CDH23: variants seen among roughly 807,000 people sequenced by gnomAD.
CDH23 encodes the protein cadherin related 23.
In CDH23, 189 loss-of-function variants were observed where a neutral mutation model predicts 317.1. The observed-to-expected ratio is 0.60, with a 90% CI of 0.53 to 0.67. The LOEUF (loss-of-function observed/expected upper bound fraction) is 0.67. Among genes scored for constraint, CDH23 ranks in the 30% least tolerant of loss-of-function variants. The pLI is 0.00. For missense variants in CDH23, 4,401 were observed against 4,592.4 expected, an observed-to-expected ratio of 0.96 and a Z score of 1.20; for synonymous variants, 1,839 against 1,876.8, an observed-to-expected ratio of 0.98 and a Z score of 0.52.
intron 14 of CDH23, among the ~76,000 whole-genome samples, chr10:71,667,395 T>TGC (rs1213586112): frequency 3.6e-5 from 5 of 138,788 alleles, no homozygotes; most frequent in African/African-American, 1.4e-4. Flanking sequence ...TGTGTGTGTG[T>TGC]GCGCGTGTGT....
chr10:71,797,971 C>T (rs140035175), intron 49 of CDH23, among the ~76,000 whole-genome samples: 107 of 152,296 alleles, frequency 7.0e-4, no homozygotes, highest in Middle Eastern at 3.4e-3. Context: ...GAAGGGCAGA[C>T]TTGGTCATCT....
At chr10:71,435,054 AC>A (rs1367243349) in intron 1 of CDH23, among the ~76,000 whole-genome samples, 1 of 151,582 alleles carries the variant, frequency 6.6e-6, no homozygotes, top group Non-Finnish European at 1.5e-5. Context: ...CCTCTGCAGG[AC>A]CCTCCCCTGG....
At chr10:71,580,122 T>C (rs1858521708) in intron 9 of CDH23, among the ~76,000 whole-genome samples, 1 of 152,198 alleles carries the variant, frequency 6.6e-6, no homozygotes, top group African/African-American at 2.4e-5. Context: ...AGGCTGCCAG[T>C]CCAGACCCTT....
intron 25 of CDH23, among the ~76,000 whole-genome samples, chr10:71,705,661 C>CA (rs926322935): frequency 6.6e-6 from 1 of 152,214 alleles, no homozygotes; most frequent in African/African-American, 2.4e-5. Flanking sequence ...TGCTCATTCC[C>CA]AGTGTCTCTG....
chr10:71,667,748 C>T (rs1367649073), intron 14 of CDH23, among the ~76,000 whole-genome samples: 1 of 152,036 alleles, frequency 6.6e-6, no homozygotes, highest in Non-Finnish European at 1.5e-5. Context: ...AAGGGGTTCT[C>T]AGGAAGGGGA....
At position 71,784,923 on chromosome 10, in the gene CDH23, C is replaced by T. The variant is rs779425775; in HGVS notation, c.5535C>T (p.Asn1845=). 147 of 1,614,050 alleles carry T rather than the reference C, an allele frequency of 9.1e-5. No individual in the cohort carries two copies. The highest frequency in any genetic ancestry group is 1.6e-4 in the Middle Eastern group (1 of 6,062). The part of the protein sequence containing the change: ...MLVGIRVLDI[N]DNDPVLLNLP... ...TGGGGATCCGGGTGCTGGACATCAA[C>T]GACAACGACCCTGTGCTGCTGAACC... The change falls in exon 43 of 70, where the codon AAC becomes AAT. Residue 1845 remains asparagine, a synonymous_variant. Transcript: ENST00000224721.
chr10:71,636,155 G>A (rs925287148), intron 11 of CDH23, among the ~76,000 whole-genome samples: 8 of 152,112 alleles, frequency 5.3e-5, no homozygotes, highest in Admixed American at 2.0e-4. Context: ...AGGAGGCGAG[G>A]AGAGAGGGGA....
chr10:71,677,368 C>A, intron 15 of CDH23, 88 bp from the exon 16 acceptor site: 3 of 952,852 alleles, frequency 3.1e-6, no homozygotes, highest in East Asian at 3.0e-5. Context: ...TCACTCTGGG[C>A]AAGGACAGGC....
rs10999885 is a variant in CDH23, at chr10:71,569,423, G to A, written c.625-1367G>A. Among the ~76,000 whole-genome samples, 109 of 152,284 alleles carry A rather than the reference G, an allele frequency of 7.2e-4. 1 individual carries two copies. The East Asian group carries it at 0.013, about 18-fold the overall frequency. On this transcript the variant is annotated intron_variant, in intron 7 of 69. Transcript: ENST00000224721. ...AGGGAGAGCTAACCTGGGGACAGTC[G>A]CTCCTCAAATCTTAGCTCAGAGAAT...
chr10:71,654,473 C>A (rs1182849519), intron 14 of CDH23, among the ~76,000 whole-genome samples: 1 of 152,234 alleles, frequency 6.6e-6, no homozygotes, highest in African/African-American at 2.4e-5. Flanking sequence ...CATAAGAAAC[C>A]ACCCAAACTT....
intron 38 of CDH23, among the ~76,000 whole-genome samples, chr10:71,760,022 TATATACACACACACAC>T (rs1564779652): frequency 0.02 from 1,654 of 80,992 alleles, 131 homozygotes; most frequent in East Asian, 0.1. Flanking sequence ...CACACACACA[TATATACACACACACAC>T]ATATATACAC....
chr10:71,493,441 TG>T (rs1330334003), intron 3 of CDH23, among the ~76,000 whole-genome samples: 1 of 152,242 alleles, frequency 6.6e-6, no homozygotes, highest in African/African-American at 2.4e-5. Context: ...TTTGCTCATC[TG>T]TCCGTCTGTC....
At chr10:71,622,256 A>G (rs1861501193) in intron 11 of CDH23, among the ~76,000 whole-genome samples, 1 of 151,810 alleles carries the variant, frequency 6.6e-6, no homozygotes, top group South Asian at 2.1e-4. Flanking sequence ...CCCCCAACAT[A>G]TTCTTTGTAT....
chr10:71,508,641 G>A (rs961963959), intron 3 of CDH23, among the ~76,000 whole-genome samples: 10 of 152,128 alleles, frequency 6.6e-5, no homozygotes, highest in African/African-American at 2.2e-4. Context: ...TTGATTTTCA[G>A]AGCTATTTGG....
intron 28 of CDH23, among the ~76,000 whole-genome samples, chr10:71,719,355 G>A (rs532754940): frequency 1.3e-5 from 2 of 152,268 alleles, no homozygotes; most frequent in East Asian, 1.9e-4. Context: ...GTGCACCAGC[G>A]GGCCCTGCTC....
At chr10:71,724,362 G>A (rs574186417) in intron 29 of CDH23, among the ~76,000 whole-genome samples, 16 of 152,226 alleles carry the variant, frequency 1.1e-4, no homozygotes, top group African/African-American at 2.6e-4. Context: ...GCGTGATCTC[G>A]GCCTACTGCA....
At chr10:71,655,837 G>A (rs1665615) in intron 14 of CDH23, among the ~76,000 whole-genome samples, 48,071 of 151,710 alleles carry the variant, frequency 0.32, 7,845 homozygotes, top group Non-Finnish European at 0.36. Context: ...CATACACAAG[G>A]CCACCCAGCC....
intron 10 of CDH23, among the ~76,000 whole-genome samples, 196 bp from the exon 11 acceptor site, chr10:71,617,009 C>G (rs1284918797): frequency 1.3e-5 from 2 of 152,208 alleles, no homozygotes; most frequent in Non-Finnish European, 2.9e-5. Context: ...GTTACTTAGT[C>G]TCTCTGAACC....
intron 66 of CDH23, 99 bp downstream of exon 66, chr10:71,812,114 C>G (rs927237517): frequency 2.2e-5 from 35 of 1,606,778 alleles, no homozygotes; most frequent in Non-Finnish European, 3.0e-5. Context: ...CTGCCGAAAC[C>G]CAGGCTGTGG....
Sources: gnomAD v4.1 joint callset for allele counts (sites outside exome capture counted in the v4.1 genomes callset) on GRCh38, gnomAD v4.1.1 for gene constraint, MANE v1.5 for transcripts, NCBI Gene and HGNC (gene_info 2026-07-23, HGNC 2026-07-21) for gene names.